CNTN3: variants seen among roughly 807,000 people sequenced by gnomAD.
The protein encoded by CNTN3 is contactin-3.
Under a neutral mutation model 119.1 loss-of-function variants are expected in CNTN3, and 60 were observed. The ratio of observed to expected loss-of-function variants is 0.50; its 90% CI spans 0.41 to 0.62. The LOEUF (loss-of-function observed/expected upper bound fraction) is 0.62, where lower values mean the gene tolerates loss of function less well. Ranked by LOEUF, CNTN3 falls within the 20% of genes least tolerant of loss-of-function variation. CNTN3 has a pLI of 0.00. For missense variants in CNTN3, 1,101 were observed against 1,242.4 expected (o/e 0.89, Z 1.71); for synonymous variants, 450 against 438.7 (o/e 1.03, Z -0.32).
intron 1 of CNTN3, among the ~76,000 whole-genome samples, chr3:74,527,776 A>C (rs1005106020): frequency 2.0e-5 from 3 of 152,052 alleles, no homozygotes; most frequent in Middle Eastern, 3.4e-3. Flanking sequence ...GCCTCTCCGC[A>C]ATTATGGATG....
chr3:74,385,548 A>C (rs1704726169), intron 5 of CNTN3, among the ~76,000 whole-genome samples: 1 of 152,194 alleles, frequency 6.6e-6, no homozygotes, highest in African/African-American at 2.4e-5. Flanking sequence ...ATAGGATTTG[A>C]GGTTTACACT....
chr3:74,574,374 T>C (rs950046128), intron 1 of CNTN3, among the ~76,000 whole-genome samples: 1 of 152,200 alleles, frequency 6.6e-6, no homozygotes, highest in Non-Finnish European at 1.5e-5. Context: ...GTGGTGATGG[T>C]TGTCACAATC....
intron 5 of CNTN3, among the ~76,000 whole-genome samples, chr3:74,392,714 T>C (rs957998112): frequency 2.0e-5 from 3 of 152,178 alleles, no homozygotes; most frequent in African/African-American, 7.2e-5. Context: ...CAAGTGATGA[T>C]TGGTGCTACA....
chr3:74,423,703 A>G (rs1701651981), intron 5 of CNTN3, among the ~76,000 whole-genome samples: 2 of 152,218 alleles, frequency 1.3e-5, no homozygotes, highest in Non-Finnish European at 2.9e-5. Context: ...TTCTTCTGAA[A>G]CATCAAGATT....
intron 14 of CNTN3, 130 bp downstream of exon 14, chr3:74,302,560 G>T (rs764399359): frequency 1.9e-5 from 12 of 629,940 alleles, no homozygotes; most frequent in Non-Finnish European, 2.9e-5. Flanking sequence ...ATATTCTGTG[G>T]TCTATGAGGG....
At chr3:74,533,528 CAT>C (rs1486337625) in intron 1 of CNTN3, among the ~76,000 whole-genome samples, 18 of 151,994 alleles carry the variant, frequency 1.2e-4, no homozygotes, top group Non-Finnish European at 1.5e-4. Flanking sequence ...AATATGCACA[CAT>C]GTTATGTCAT....
At chr3:74,595,977 G>A (rs1704801488) in intron 1 of CNTN3, among the ~76,000 whole-genome samples, 1 of 152,092 alleles carries the variant, frequency 6.6e-6, no homozygotes, top group Non-Finnish European at 1.5e-5. Flanking sequence ...AAGATGATAA[G>A]CAACTTCAGC....
At chr3:74,324,307 G>A (rs1703078458) in intron 13 of CNTN3, among the ~76,000 whole-genome samples, 1 of 151,924 alleles carries the variant, frequency 6.6e-6, no homozygotes, top group African/African-American at 2.4e-5. Flanking sequence ...TGCCTCCCGG[G>A]TTCAAGCGAT....
At chr3:74,397,694 G>A (rs57381792) in intron 5 of CNTN3, among the ~76,000 whole-genome samples, 57,555 of 151,982 alleles carry the variant, frequency 0.38, 11,533 homozygotes, top group East Asian at 0.64. Flanking sequence ...TGTAGGTGCC[G>A]TAGATGGTGA....
chr3:74,359,634 A>C (rs766450326), intron 11 of CNTN3, among the ~76,000 whole-genome samples: 1 of 152,184 alleles, frequency 6.6e-6, no homozygotes, highest in Non-Finnish European at 1.5e-5. Context: ...TACCAGCACC[A>C]TCGCTATACA....
intron 5 of CNTN3, among the ~76,000 whole-genome samples, chr3:74,409,289 T>C (rs530946851): frequency 6.6e-6 from 1 of 152,202 alleles, no homozygotes; most frequent in African/African-American, 2.4e-5. Context: ...CACTGAATCA[T>C]ATCCAGATAA....
At chr3:74,529,037 G>A (rs984863182) in intron 1 of CNTN3, among the ~76,000 whole-genome samples, 2 of 151,364 alleles carry the variant, frequency 1.3e-5, no homozygotes, top group African/African-American at 4.8e-5. Context: ...GCTGTTTATA[G>A]TATATATATA....
chr3:74,575,606 A>ACACAC (rs60119036), intron 1 of CNTN3, among the ~76,000 whole-genome samples: 1 of 135,098 alleles, frequency 7.4e-6, no homozygotes, highest in African/African-American at 2.8e-5. Flanking sequence ...AGTCTCTCCC[A>ACACAC]ACACACACAC....
chr3:74,406,635 C>T (rs755319908), intron 5 of CNTN3, among the ~76,000 whole-genome samples: 2 of 151,898 alleles, frequency 1.3e-5, no homozygotes, highest in African/African-American at 2.4e-5. Flanking sequence ...GCAATGGCAA[C>T]TGTACACCAG....
At chr3:74,454,988 G>A (rs1702238948) in intron 4 of CNTN3, among the ~76,000 whole-genome samples, 1 of 151,996 alleles carries the variant, frequency 6.6e-6, no homozygotes, top group Non-Finnish European at 1.5e-5. Flanking sequence ...ATGTGTCTTG[G>A]AGTTGCTCTT....
intron 1 of CNTN3, among the ~76,000 whole-genome samples, chr3:74,590,910 A>C (rs980837125): frequency 6.6e-6 from 1 of 152,044 alleles, no homozygotes; most frequent in African/African-American, 2.4e-5. Flanking sequence ...CAGCCATCAC[A>C]TTCACTGTGA....
chr3:74,436,105 A>C (rs1017194966), intron 4 of CNTN3, among the ~76,000 whole-genome samples: 3 of 152,232 alleles, frequency 2.0e-5, no homozygotes, highest in Non-Finnish European at 2.9e-5. Flanking sequence ...GTTTATGCCT[A>C]GGTTCAGGGT....
intron 14 of CNTN3, among the ~76,000 whole-genome samples, chr3:74,302,180 T>A (rs1188967532): frequency 9.2e-5 from 14 of 152,170 alleles, no homozygotes; most frequent in African/African-American, 2.7e-4. Context: ...TCTCTGTAGT[T>A]CCCAATCTGA....
intron 2 of CNTN3, among the ~76,000 whole-genome samples, chr3:74,503,527 G>T (rs1229826187): frequency 6.6e-6 from 1 of 152,138 alleles, no homozygotes; most frequent in Non-Finnish European, 1.5e-5. Context: ...TGGGTTTCAT[G>T]TTCTAGTCTC....
Sources: allele counts gnomAD v4.1 joint callset (sites outside exome capture counted in the v4.1 genomes callset), GRCh38; gene constraint gnomAD v4.1.1; transcripts MANE v1.5; gene names NCBI Gene and HGNC (gene_info 2026-07-23, HGNC 2026-07-21).